Variants in VEPH1 observed in about 807,000 individuals in gnomAD.
The protein encoded by VEPH1 is ventricular zone expressed PH domain containing 1.
In VEPH1, 80 loss-of-function variants were observed where a neutral mutation model predicts 85.2. The observed-to-expected ratio is 0.94, with a 90% CI of 0.78 to 1.13. The LOEUF is 1.13. Ranked by LOEUF, VEPH1 falls within the 50% of genes most tolerant of loss-of-function variation. The pLI is 0.00. For synonymous variants in VEPH1, 297 were observed against 348.0 expected (o/e 0.85, Z 1.63); for missense variants, 955 against 980.5 (o/e 0.97, Z 0.35).
chr3:157,367,007 GGTC>G (rs541834043), intron 7 of VEPH1, among the ~76,000 whole-genome samples: 5 of 152,204 alleles, frequency 3.3e-5, no homozygotes, highest in African/African-American at 1.2e-4. Flanking sequence ...TTCACCTGTA[GGTC>G]CAGCCCAGGG....
intron 2 of VEPH1, among the ~76,000 whole-genome samples, chr3:157,484,686 T>C (rs537690277): frequency 6.6e-6 from 1 of 152,322 alleles, no homozygotes; most frequent in South Asian, 2.1e-4. Flanking sequence ...GGCATTAAAG[T>C]CTTCCAAGGT....
chr3:157,296,132 G>A (rs1451980853), intron 11 of VEPH1, among the ~76,000 whole-genome samples: 1 of 152,070 alleles, frequency 6.6e-6, no homozygotes, highest in Non-Finnish European at 1.5e-5. Flanking sequence ...TTAGGTAAAA[G>A]TTTAAAACAA....
At chr3:157,356,322 T>C (rs887830310) in intron 9 of VEPH1, among the ~76,000 whole-genome samples, 1 of 152,218 alleles carries the variant, frequency 6.6e-6, no homozygotes, top group African/African-American at 2.4e-5. Context: ...GAATTAGCTG[T>C]CTTTTACTCA....
intron 9 of VEPH1, among the ~76,000 whole-genome samples, chr3:157,333,612 C>T (rs1179569371): frequency 6.6e-6 from 1 of 152,200 alleles, no homozygotes; most frequent in Non-Finnish European, 1.5e-5. Context: ...TGTGGTCACA[C>T]TGAGTCAGTG....
intron 2 of VEPH1, among the ~76,000 whole-genome samples, chr3:157,488,177 C>A (rs1176319381): frequency 6.6e-6 from 1 of 152,136 alleles, no homozygotes; most frequent in Non-Finnish European, 1.5e-5. Context: ...TCTCCTCTCT[C>A]CCCATCTCAT....
chr3:157,293,962 A>C (rs972216052), intron 11 of VEPH1, among the ~76,000 whole-genome samples: 1 of 152,226 alleles, frequency 6.6e-6, no homozygotes, highest in Admixed American at 6.5e-5. Context: ...AACTTTTGGC[A>C]ATTATAGCCA....
At chr3:157,275,606 A>G (rs1715289064) in intron 12 of VEPH1, among the ~76,000 whole-genome samples, 1 of 151,952 alleles carries the variant, frequency 6.6e-6, no homozygotes, top group Admixed American at 6.6e-5. Context: ...TATATATATA[A>G]TGATTGACAT....
At chr3:157,425,063 G>A (rs1732649956) in intron 5 of VEPH1, among the ~76,000 whole-genome samples, 1 of 152,220 alleles carries the variant, frequency 6.6e-6, no homozygotes, top group Non-Finnish European at 1.5e-5. Flanking sequence ...CCCACGCTGT[G>A]TGCAGTCTAG....
chr3:157,459,617 GA>G, intron 4 of VEPH1: 1 of 1,248,198 alleles, frequency 8.0e-7, no homozygotes, highest in South Asian at 2.5e-5. Context: ...AAGACAAGGA[GA>G]ATATTTTGCA....
Position 157,317,075 on chromosome 3 carries a change from A to G in VEPH1, c.1862T>C (p.Phe621Ser), listed in dbSNP as rs1450865820. The change falls in exon 10 of 14, where the codon TTT (phenylalanine) becomes TCT (serine). Residue 621 changes from phenylalanine to serine, a missense_variant. Physicochemically the swap from Phe to Ser is radical, Grantham distance 155 (BLOSUM62 -2). Coordinates refer to ENST00000362010, the MANE Select transcript of VEPH1 (RefSeq NM_001167912.2). The part of the protein sequence containing the change: ...QEPQPWIQIM[F>S]LFQQSLFPEP... Reference sequence around the variant, plus strand: ...AATTATACAAACCTGCTGAAATAGAAACATGATCTGGATCCATGGCTGAGG... The same window carrying G: ...AATTATACAAACCTGCTGAAATAGAGACATGATCTGGATCCATGGCTGAGG... 2.5e-6 allele frequency: 4 copies of G among 1,612,428 alleles called. No individual in the cohort carries two copies. The highest frequency in any genetic ancestry group is 1.7e-5 in the Admixed American group (1 of 59,776).
At chr3:157,267,680 A>G (rs2108264471) in intron 12 of VEPH1, among the ~76,000 whole-genome samples, 1 of 152,246 alleles carries the variant, frequency 6.6e-6, no homozygotes. Flanking sequence ...AGGCAGGAGA[A>G]TTGCTTGGGC....
At chr3:157,367,310 A>G (rs1726818991) in intron 7 of VEPH1, among the ~76,000 whole-genome samples, 1 of 152,222 alleles carries the variant, frequency 6.6e-6, no homozygotes, top group Non-Finnish European at 1.5e-5. Context: ...AGGCTTTGAC[A>G]TCTTATAGCC....
chr3:157,429,698 T>TCCCAGGC (rs1733001524), intron 4 of VEPH1, among the ~76,000 whole-genome samples: 1 of 152,252 alleles, frequency 6.6e-6, no homozygotes, highest in African/African-American at 2.4e-5. Context: ...ACAATTTGTT[T>TCCCAGGC]TGTTTTCTGT....
intron 12 of VEPH1, among the ~76,000 whole-genome samples, chr3:157,283,246 T>C (rs1487960666): frequency 6.6e-6 from 1 of 152,242 alleles, no homozygotes; most frequent in East Asian, 1.9e-4. Context: ...GGTTCTGGAA[T>C]TGGCTGTCTG....
At chr3:157,278,795 C>T (rs1462402994) in intron 12 of VEPH1, among the ~76,000 whole-genome samples, 1 of 152,062 alleles carries the variant, frequency 6.6e-6, no homozygotes, top group Non-Finnish European at 1.5e-5. Flanking sequence ...CTGGTTGGTA[C>T]AATAGATTGA....
intron 3 of VEPH1, among the ~76,000 whole-genome samples, chr3:157,468,883 C>G (rs1476061701): frequency 6.6e-6 from 1 of 151,940 alleles, no homozygotes; most frequent in Non-Finnish European, 1.5e-5. Context: ...CTTTGTTCCC[C>G]CACTCACCCT....
In VEPH1 at chr3:157,440,683, C is replaced by CAT. The variant is rs201474741; in HGVS notation, c.530-12197_530-12196dup. ...ATGTGTGTATATATACGTATACATA[C>CAT]ATATATATATATTTATGTATATAGA... On this transcript the variant is annotated intron_variant, in intron 4 of 13. Transcript: ENST00000362010. 4.8e-3 allele frequency among the ~76,000 whole-genome samples: 723 copies of CAT among 151,414 alleles called. 5 individuals carry two copies. The highest frequency in any genetic ancestry group is 0.02 in the South Asian group (97 of 4,788).
intron 1 of VEPH1, among the ~76,000 whole-genome samples, chr3:157,501,885 A>T (rs73013646): frequency 0.015 from 2,256 of 152,340 alleles, 50 homozygotes; most frequent in African/African-American, 0.051. Context: ...AAAAATGCTC[A>T]TTAACAAACT....
chr3:157,452,608 AT>A (rs1303686789), intron 4 of VEPH1, among the ~76,000 whole-genome samples: 2 of 152,230 alleles, frequency 1.3e-5, no homozygotes, highest in Non-Finnish European at 2.9e-5. Context: ...CTTAGCTGAT[AT>A]TTATTGAAAG....
Sources: allele counts gnomAD v4.1 joint callset (sites outside exome capture counted in the v4.1 genomes callset), GRCh38; gene constraint gnomAD v4.1.1; transcripts MANE v1.5; gene names NCBI Gene and HGNC (gene_info 2026-07-23, HGNC 2026-07-21).